RNFT2: variants seen among roughly 807,000 people sequenced by gnomAD.
RNFT2 encodes the protein E3 ubiquitin-protein ligase RNFT2.
RNFT2 carries 36 observed loss-of-function variants against 53.0 expected under a neutral mutation model. That is an observed-to-expected ratio of 0.68 (90% CI 0.52 to 0.90). The LOEUF is 0.90. Ranked by LOEUF, RNFT2 falls within the 40% of genes least tolerant of loss-of-function variation. RNFT2 has a pLI of 0.00. For synonymous variants in RNFT2, 260 were observed against 253.2 expected, an observed-to-expected ratio of 1.03 and a Z score of -0.26; for missense variants, 514 against 585.6, an observed-to-expected ratio of 0.88 and a Z score of 1.26.
chr12:116,750,839 T>TACA (rs1162762455), intron 4 of RNFT2, among the ~76,000 whole-genome samples: 6 of 7,776 alleles, frequency 7.7e-4, no homozygotes, highest in African/African-American at 4.4e-3. Flanking sequence ...AATATATATA[T>TACA]TATATATATA....
intron 7 of RNFT2, among the ~76,000 whole-genome samples, chr12:116,818,288 A>C (rs1592976873): frequency 6.8e-6 from 1 of 147,138 alleles, no homozygotes; most frequent in Admixed American, 6.9e-5. Flanking sequence ...GCACCACTGC[A>C]CTCCAGCCTG....
chr12:116,771,460 TAAAAAAAAAAAAAA>T (rs35911608), intron 6 of RNFT2, among the ~76,000 whole-genome samples: 41 of 64,122 alleles, frequency 6.4e-4, no homozygotes, highest in Middle Eastern at 0.01. Context: ...ATCCTATCGT[TAAAAAAAAAAAAAA>T]AAAAAAAAAA....
chr12:116,827,321 G>A (rs1876395256), intron 7 of RNFT2, among the ~76,000 whole-genome samples: 1 of 152,154 alleles, frequency 6.6e-6, no homozygotes, highest in Non-Finnish European at 1.5e-5. Context: ...AGTCAGGGAA[G>A]GCTTTTCATA....
Position 116,852,829 on chromosome 12 carries a change from A to G in RNFT2, c.*3381A>G. ...TCTCCAGGGTGACGGAACCCAGTGT[A>G]TTACCTGCTGGAACCAAGGAAACTA... On this transcript the variant is annotated 3_prime_UTR_variant, in exon 11 of 11. Coordinates refer to ENST00000257575, the MANE Select transcript of RNFT2 (RefSeq NM_001382266.1). The G allele has an allele frequency of 1.0e-6, 1 of 973,314 alleles. No homozygotes were observed. The highest frequency in any genetic ancestry group is 1.6e-6 in the Non-Finnish European group (1 of 621,134). 60.3% of individuals were successfully genotyped at this position (973,314 alleles called of 1,614,324 possible). A position where few individuals can be genotyped will look rare whatever the true frequency, so the allele number is the denominator to read the frequency against.
At chr12:116,745,017 C>G (rs994617411) in intron 3 of RNFT2, among the ~76,000 whole-genome samples, 1 of 152,014 alleles carries the variant, frequency 6.6e-6, no homozygotes, top group African/African-American at 2.4e-5. Flanking sequence ...GGATCATAGC[C>G]ATGGTGTTTG....
chr12:116,815,607 CT>C (rs992919084), intron 7 of RNFT2, among the ~76,000 whole-genome samples: 2 of 152,132 alleles, frequency 1.3e-5, no homozygotes, highest in African/African-American at 2.4e-5. Context: ...AATAAGGATC[CT>C]TGTGATGATA....
chr12:116,833,296 G>C (rs140880449), intron 7 of RNFT2, among the ~76,000 whole-genome samples: 2 of 152,144 alleles, frequency 1.3e-5, no homozygotes, highest in Non-Finnish European at 2.9e-5. Context: ...GGAAGGACAC[G>C]TATCTCCCCG....
At chr12:116,754,670 T>G (rs1872415887) in intron 5 of RNFT2, among the ~76,000 whole-genome samples, 2 of 152,206 alleles carry the variant, frequency 1.3e-5, no homozygotes, top group South Asian at 4.1e-4. Context: ...ACTTTTTGAT[T>G]ATGGCCATTC....
chr12:116,742,957 T>C (rs1375509457), intron 3 of RNFT2, among the ~76,000 whole-genome samples: 1 of 151,386 alleles, frequency 6.6e-6, no homozygotes, highest in Non-Finnish European at 1.5e-5. Flanking sequence ...GGCATGCATC[T>C]GTGGTCCTAG....
At position 116,850,610 on chromosome 12, in the gene RNFT2, C is replaced by T. The variant is rs370420491; in HGVS notation, c.*1162C>T. 7.4e-6 allele frequency: 1 copy of T among 135,580 alleles called. No individual in the cohort carries two copies. Among genetic ancestry groups the T allele is most frequent in the Non-Finnish European group, 1.6e-5 (1 of 63,858 alleles). The allele number at this position is 135,580 out of a possible 1,614,324, so 8.4% of individuals were successfully genotyped here. On this transcript the variant is annotated 3_prime_UTR_variant, in exon 11 of 11. Transcript: ENST00000257575. The stretch of plus-strand genomic sequence containing the variant: ...CTGTGAGCCCTGTGAAGTATTTTTT[C>T]TTTTCTTTTCTTTTTTTTTTTTTTT...
At chr12:116,794,346 C>T (rs1874382945) in intron 7 of RNFT2, among the ~76,000 whole-genome samples, 1 of 151,910 alleles carries the variant, frequency 6.6e-6, no homozygotes, top group African/African-American at 2.4e-5. Context: ...GTTTGTAATC[C>T]CAGCACTTTG....
chr12:116,846,384 A>AC (rs778201442), intron 10 of RNFT2, among the ~76,000 whole-genome samples: 12 of 145,542 alleles, frequency 8.2e-5, no homozygotes, highest in Non-Finnish European at 1.5e-5. Context: ...CAATCCTCCC[A>AC]CCACTTCAGC....
chr12:116,793,384 A>C (rs1482444536), intron 7 of RNFT2, among the ~76,000 whole-genome samples: 4 of 151,956 alleles, frequency 2.6e-5, no homozygotes, highest in African/African-American at 9.7e-5. Context: ...ACAGGGTCTC[A>C]CTGTCTTGCC....
intron 10 of RNFT2, among the ~76,000 whole-genome samples, chr12:116,836,938 A>C (rs576263440): frequency 9.2e-5 from 14 of 152,288 alleles, no homozygotes; most frequent in African/African-American, 2.9e-4. Flanking sequence ...TCAAAGAAAA[A>C]AAAAAGGACA....
At chr12:116,797,266 G>T (rs76366432) in intron 7 of RNFT2, among the ~76,000 whole-genome samples, 3,108 of 152,212 alleles carry the variant, frequency 0.02, 113 homozygotes, top group African/African-American at 0.07. Context: ...TGGAAATAGG[G>T]TCTATAAAGA....
chr12:116,817,009 T>TTTTTG (rs1304543235), intron 7 of RNFT2, among the ~76,000 whole-genome samples: 3 of 152,094 alleles, frequency 2.0e-5, no homozygotes, highest in African/African-American at 4.8e-5. Context: ...AGTTTCCTTG[T>TTTTTG]TTTTGTTTTG....
In RNFT2 at chr12:116,788,907, TGATGGATGGATGGTG is replaced by T. The variant is rs1199746179; in HGVS notation, c.882+9573_882+9587del. 1.0e-3 allele frequency among the ~76,000 whole-genome samples: 143 copies of T among 137,370 alleles called. 1 individual carries two copies. Among genetic ancestry groups the T allele is most frequent in the African/African-American group, 3.9e-3 (136 of 35,292 alleles). The allele number at this position is 137,370 out of a possible 152,430, so 90.1% of individuals were successfully genotyped here. On this transcript the variant is annotated intron_variant, in intron 7 of 10. Coordinates refer to ENST00000257575, the MANE Select transcript of RNFT2 (RefSeq NM_001382266.1). The stretch of plus-strand genomic sequence containing the variant: ...GGTGGATGGGTAAATGGGAGGAGAG[TGATGGATGGATGGTG>T]GATGGATGGATGGATAGATAAATGG...
chr12:116,840,494 A>G (rs1007238119), intron 10 of RNFT2, among the ~76,000 whole-genome samples: 4 of 152,214 alleles, frequency 2.6e-5, no homozygotes, highest in Non-Finnish European at 4.4e-5. Flanking sequence ...CACTTTTTCC[A>G]GAAATTCCTG....
At position 116,852,630 on chromosome 12, in the gene RNFT2, A is replaced by G. The variant is rs762940794; in HGVS notation, c.*3182A>G. ...AACTTCTGCAACTGGTTTTTATCGG[A>G]AAGATCATCCTGCCTGCAGATGCTG... On this transcript the variant is annotated 3_prime_UTR_variant, in exon 11 of 11. Transcript: ENST00000257575. 17 of 1,613,874 alleles carry G rather than the reference A, an allele frequency of 1.1e-5. No individual in the cohort carries two copies. In the South Asian group the frequency reaches 1.8e-4, roughly 17 times the overall value.
Sources: allele counts gnomAD v4.1 joint callset (sites outside exome capture counted in the v4.1 genomes callset), GRCh38; gene constraint gnomAD v4.1.1; transcripts MANE v1.5; gene names NCBI Gene and HGNC (gene_info 2026-07-23, HGNC 2026-07-21).